The following BBOF1 variants were observed in gnomAD, a reference collection of about 807,000 sequenced individuals.
BBOF1 encodes the protein basal body-orientation factor 1.
Under a neutral mutation model 68.0 loss-of-function variants are expected in BBOF1, and 62 were observed. The ratio of observed to expected loss-of-function variants is 0.91; its 90% CI spans 0.74 to 1.13. The LOEUF (loss-of-function observed/expected upper bound fraction) is 1.13. BBOF1 is among the 50% of genes most tolerant of loss of function. The probability of loss-of-function intolerance (pLI) is 0.00; values close to 1 mark genes in which losing one functional copy is unlikely to be tolerated. For missense variants in BBOF1, 534 were observed against 600.1 expected, an observed-to-expected ratio of 0.89 and a Z score of 1.15; for synonymous variants, 208 against 198.8, an observed-to-expected ratio of 1.05 and a Z score of -0.39.
At chr14:74,036,683 C>CAAAA (rs35152747) in intron 4 of BBOF1, among the ~76,000 whole-genome samples, 2 of 108,422 alleles carry the variant, frequency 1.8e-5, no homozygotes, top group African/African-American at 7.6e-5. Context: ...GACTCTGTCT[C>CAAAA]AAAAAAAAAA....
At chr14:74,033,736 G>T (rs2059630660) in intron 3 of BBOF1, among the ~76,000 whole-genome samples, 1 of 152,170 alleles carries the variant, frequency 6.6e-6, no homozygotes, top group Non-Finnish European at 1.5e-5. Flanking sequence ...AATCAGCCAG[G>T]CATGGTGGCG....
chr14:74,080,597 C>T (rs1298293701), intron 10 of BBOF1, among the ~76,000 whole-genome samples: 1 of 151,932 alleles, frequency 6.6e-6, no homozygotes, highest in Non-Finnish European at 1.5e-5. Flanking sequence ...GCCACCATGC[C>T]CAGCTAATTA....
At chr14:74,071,288 G>A (rs774141754) in intron 9 of BBOF1, 16 of 1,614,000 alleles carry the variant, frequency 9.9e-6, no homozygotes, top group East Asian at 4.5e-5. Context: ...CCAGGGACTC[G>A]CTCAGATGGT....
At chr14:74,069,700 C>A (rs1454664463), downstream of BBOF1, among the ~76,000 whole-genome samples, 1 of 151,914 alleles carries the variant, frequency 6.6e-6, no homozygotes, top group East Asian at 2.0e-4. Flanking sequence ...TTGCAGCGAG[C>A]CGAGATTGTG....
downstream of BBOF1, chr14:74,070,631 G>A (rs1403415561): frequency 1.3e-5 from 2 of 159,728 alleles, no homozygotes; most frequent in Admixed American, 6.0e-5. Context: ...GCAAAAATCA[G>A]AGTCAGCCTT....
intron 4 of BBOF1, among the ~76,000 whole-genome samples, chr14:74,038,589 A>T (rs970088450): frequency 1.3e-5 from 2 of 152,230 alleles, no homozygotes; most frequent in Non-Finnish European, 2.9e-5. Context: ...ATTTTAAATT[A>T]GGAGGTATAC....
At chr14:74,036,526 A>T (rs55748818) in intron 4 of BBOF1, among the ~76,000 whole-genome samples, 1 of 151,998 alleles carries the variant, frequency 6.6e-6, no homozygotes, top group Non-Finnish European at 1.5e-5. Context: ...CTACTAAAAA[A>T]TCCAAAAATT....
At chr14:74,071,618 G>A in intron 9 of BBOF1, 1 of 1,578,734 alleles carries the variant, frequency 6.3e-7, no homozygotes, top group Non-Finnish European at 8.6e-7. Context: ...AGGGTACACT[G>A]ACTTGCCCTT....
Position 74,072,365 on chromosome 14 carries a change from C to T in BBOF1, n.1380-5831C>T. The stretch of plus-strand genomic sequence containing the variant: ...CCCGACCAATGACCTCATTGGTGGC[C>T]TGATGAGAAAAATAAGCACATGATC... On this transcript the variant is annotated intron_variant and non_coding_transcript_variant, in intron 9 of 12. Coordinates refer to the BBOF1 transcript ENST00000492026. 1.2e-6 allele frequency: 2 copies of T among 1,614,150 alleles called. No homozygotes were observed. Among genetic ancestry groups the T allele is most frequent in the Non-Finnish European group, 1.7e-6 (2 of 1,180,032 alleles).
intron 10 of BBOF1, among the ~76,000 whole-genome samples, chr14:74,078,778 C>T (rs1020455383): frequency 6.6e-6 from 1 of 151,848 alleles, no homozygotes; most frequent in Non-Finnish European, 1.5e-5. Context: ...ATCTGCCTGC[C>T]TCAGCCTCCC....
At chr14:74,069,169 A>C, downstream of BBOF1, 1 of 529,130 alleles carries the variant, frequency 1.9e-6, no homozygotes, top group South Asian at 2.0e-5. Flanking sequence ...CAGTGGCACA[A>C]TTTCGGCTCA....
At chr14:74,069,037 G>T, downstream of BBOF1, 2 of 1,588,576 alleles carry the variant, frequency 1.3e-6, no homozygotes, top group East Asian at 2.3e-5. Context: ...TCTCAACATG[G>T]CAAATTTCCC....
At chr14:74,032,370 A>G (rs1428128670) in intron 3 of BBOF1, among the ~76,000 whole-genome samples, 1 of 150,646 alleles carries the variant, frequency 6.6e-6, no homozygotes, top group Non-Finnish European at 1.5e-5. Flanking sequence ...CAAGTGATCC[A>G]CCTGCCTTGG....
At chr14:74,076,877 A>C (rs1293609985) in intron 9 of BBOF1, among the ~76,000 whole-genome samples, 2 of 152,174 alleles carry the variant, frequency 1.3e-5, no homozygotes, top group African/African-American at 4.8e-5. Context: ...AGTTGATTTA[A>C]GAAATACTTA....
At chr14:74,055,814 CT>C in intron 9 of BBOF1, 129 bp downstream of exon 9, 1 of 614,786 alleles carries the variant, frequency 1.6e-6, no homozygotes, top group Non-Finnish European at 2.8e-6. Flanking sequence ...TAAAAAGGCC[CT>C]ACTGCTTAAC....
At chr14:74,050,494 T>G (rs2060042710) in intron 8 of BBOF1, among the ~76,000 whole-genome samples, 1 of 152,170 alleles carries the variant, frequency 6.6e-6, no homozygotes, top group Non-Finnish European at 1.5e-5. Context: ...TTATGTATCT[T>G]TTCACTTGTT....
downstream of BBOF1, among the ~76,000 whole-genome samples, chr14:74,068,182 C>T (rs1030049269): frequency 1.3e-5 from 2 of 150,412 alleles, no homozygotes; most frequent in African/African-American, 4.9e-5. Context: ...GTCAGGAGTT[C>T]AAGACCAGCT....
intron 8 of BBOF1, among the ~76,000 whole-genome samples, chr14:74,054,374 T>G (rs1345214435): frequency 6.7e-6 from 1 of 150,222 alleles, no homozygotes; most frequent in East Asian, 2.0e-4. Context: ...TACATTACAG[T>G]TTTTTTTGTT....
chr14:74,065,390 G>A lies in BBOF1; in HGVS notation c.*691G>A. The A allele has an allele frequency of 6.2e-7, 1 of 1,608,538 alleles. No homozygotes were observed. Among genetic ancestry groups the A allele is most frequent in the South Asian group, 1.1e-5 (1 of 90,762 alleles). ...CAGGAGTGATGCATCCAGAAAAGAA[G>A]TCAGCTTTTTGGATTCTGAGTATTT... On this transcript the variant is annotated 3_prime_UTR_variant, in exon 12 of 12. Coordinates refer to ENST00000394009, the MANE Select transcript of BBOF1 (RefSeq NM_025057.3).
Sources: allele counts gnomAD v4.1 joint callset (sites outside exome capture counted in the v4.1 genomes callset), GRCh38; gene constraint gnomAD v4.1.1; transcripts MANE v1.5; gene names NCBI Gene and HGNC (gene_info 2026-07-23, HGNC 2026-07-21).